PDHX: variants seen among roughly 807,000 people sequenced by gnomAD.
PDHX encodes pyruvate dehydrogenase complex component X.
PDHX carries 33 observed loss-of-function variants against 55.3 expected under a neutral mutation model. That is an observed-to-expected ratio of 0.60 (90% CI 0.45 to 0.80). The LOEUF (loss-of-function observed/expected upper bound fraction) is 0.80, where lower values mean the gene tolerates loss of function less well. Ranked by LOEUF, PDHX falls within the 30% of genes least tolerant of loss-of-function variation. The probability of loss-of-function intolerance (pLI) is 0.00; values close to 1 mark genes in which losing one functional copy is unlikely to be tolerated. For synonymous variants in PDHX, 226 were observed against 219.4 expected, an observed-to-expected ratio of 1.03 and a Z score of -0.27; for missense variants, 622 against 619.9, an observed-to-expected ratio of 1.00 and a Z score of -0.04.
chr11:34,940,765 A>G (rs1854454384), intron 2 of PDHX, among the ~76,000 whole-genome samples: 1 of 152,036 alleles, frequency 6.6e-6, no homozygotes, highest in Admixed American at 6.5e-5. Flanking sequence ...TTTTGTCTCT[A>G]AAGTTTTGCC....
At chr11:34,932,973 T>C (rs906064869) in intron 2 of PDHX, among the ~76,000 whole-genome samples, 3 of 152,096 alleles carry the variant, frequency 2.0e-5, no homozygotes, top group African/African-American at 7.2e-5. Flanking sequence ...GACAAGTGAG[T>C]ATAGTATATA....
intron 1 of PDHX, among the ~76,000 whole-genome samples, chr11:34,930,640 A>G (rs11601737): frequency 0.22 from 33,755 of 152,098 alleles, 4,898 homozygotes; most frequent in Non-Finnish European, 0.34. Flanking sequence ...GTGCTCTTGA[A>G]TGTAACCCTG....
intron 3 of PDHX, among the ~76,000 whole-genome samples, chr11:34,953,299 T>A (rs934350991): frequency 6.6e-6 from 1 of 152,164 alleles, no homozygotes; most frequent in Non-Finnish European, 1.5e-5. Flanking sequence ...GCCATCCCCA[T>A]CAAGCTACCA....
chr11:34,986,246 A>G (rs960073012), intron 9 of PDHX, among the ~76,000 whole-genome samples: 12 of 150,910 alleles, frequency 8.0e-5, no homozygotes, highest in Non-Finnish European at 1.8e-4. Context: ...CAGAGGTTGC[A>G]GTGAGCTGAG....
At chr11:34,958,575 A>G (rs1264223430) in intron 4 of PDHX, among the ~76,000 whole-genome samples, 1 of 152,182 alleles carries the variant, frequency 6.6e-6, no homozygotes, top group African/African-American at 2.4e-5. Flanking sequence ...TGCTGGGATT[A>G]CAGGCGTGAG....
intron 1 of PDHX, among the ~76,000 whole-genome samples, chr11:34,927,028 A>G (rs936049490): frequency 1.3e-5 from 2 of 152,058 alleles, no homozygotes; most frequent in African/African-American, 4.8e-5. Flanking sequence ...AAAAGAGTAA[A>G]ATAGTTATGA....
intron 9 of PDHX, among the ~76,000 whole-genome samples, chr11:34,989,748 A>G (rs573800110): frequency 1.3e-5 from 2 of 152,026 alleles, no homozygotes; most frequent in African/African-American, 4.8e-5. Flanking sequence ...TCTTTATCTC[A>G]TTACCCTGTT....
Position 34,916,670 on chromosome 11 carries a change from G to T in PDHX, c.15G>T (p.Trp5Cys), listed in dbSNP as rs1853718082. The T allele has an allele frequency of 6.2e-7, 1 of 1,610,642 alleles. No individual in the cohort carries two copies. Among genetic ancestry groups the T allele is most frequent in the Non-Finnish European group, 8.5e-7 (1 of 1,179,990 alleles). ...AGGCCGTCAAGATGGCGGCCTCCTG[G>T]AGGCTGGGCTGTGATCCGCGGCTGC... is the stretch of plus-strand genomic sequence containing the variant. MAAS[W>C]RLGCDPRLLR... Residue 5 changes from tryptophan (W) to cysteine (C), a missense_variant, in exon 1 of 11, where the codon TGG becomes TGT. By Grantham distance (215) the Trp-to-Cys change is radical. Coordinates refer to ENST00000227868, the MANE Select transcript of PDHX (RefSeq NM_003477.3).
rs762332080 is a variant in PDHX, at chr11:34,994,883, C to T, written c.1248-31C>T. ...AAAGGGGACTTTGATTAAGGACATGCCTCCTTCAGAGCTTTTTCTTTTCCC... is the reference window on the plus strand; with the variant it reads ...AAAGGGGACTTTGATTAAGGACATGTCTCCTTCAGAGCTTTTTCTTTTCCC... On this transcript the variant is annotated intron_variant, in intron 10 of 10. Transcript: ENST00000227868. The T allele has an allele frequency of 2.5e-6, 4 of 1,612,788 alleles. No homozygotes were observed. The African/African-American group carries it at 4.0e-5, about 16-fold the overall frequency.
chr11:34,941,379 A>C (rs1346061704), intron 2 of PDHX, among the ~76,000 whole-genome samples: 1 of 152,336 alleles, frequency 6.6e-6, no homozygotes, highest in East Asian at 1.9e-4. Flanking sequence ...TTCTTGAAGC[A>C]GTTCTGTCTT....
chr11:34,988,495 A>G (rs374437700), intron 9 of PDHX, among the ~76,000 whole-genome samples: 3 of 151,890 alleles, frequency 2.0e-5, no homozygotes, highest in African/African-American at 4.8e-5. Context: ...TACTAGTTAC[A>G]TAACTACTGT....
At position 34,947,591 on chromosome 11, in the gene PDHX, C is replaced by A; in HGVS notation, c.327C>A (p.Ile109=). 1 of 1,609,112 alleles carries A rather than the reference C, an allele frequency of 6.2e-7. No individual in the cohort carries two copies. Among genetic ancestry groups the A allele is most frequent in the South Asian group, 1.1e-5 (1 of 91,016 alleles). ...CCTTAGATGCAAGTGATGATGGAAT[C>A]TTGGCCAAAATCGTGGTAAGTTTTT... ...VVTLDASDDG[I]LAKIVVEEGS... is the part of the protein sequence containing the mutation. Residue 109 remains isoleucine, a synonymous_variant, in exon 3 of 11, where the codon ATC becomes ATA. Coordinates refer to ENST00000227868, the MANE Select transcript of PDHX (RefSeq NM_003477.3).
At chr11:34,952,824 T>C (rs1854808546) in intron 3 of PDHX, among the ~76,000 whole-genome samples, 1 of 149,462 alleles carries the variant, frequency 6.7e-6, no homozygotes, top group Non-Finnish European at 1.5e-5. Flanking sequence ...CAACATAGTG[T>C]TGGAAGTTCT....
chr11:34,961,120 T>C (rs2133976096), intron 5 of PDHX, among the ~76,000 whole-genome samples: 1 of 152,358 alleles, frequency 6.6e-6, no homozygotes, highest in Non-Finnish European at 1.5e-5. Context: ...TATTTTATTA[T>C]TCTTCCAAAT....
At chr11:34,965,321 G>A (rs186486609) in intron 5 of PDHX, among the ~76,000 whole-genome samples, 1 of 152,194 alleles carries the variant, frequency 6.6e-6, no homozygotes, top group Non-Finnish European at 1.5e-5. Context: ...GAGGCCACGT[G>A]CAGGGCCTTG....
intron 9 of PDHX, among the ~76,000 whole-genome samples, chr11:34,987,906 T>C (rs1297118303): frequency 6.6e-6 from 1 of 152,190 alleles, no homozygotes; most frequent in Non-Finnish European, 1.5e-5. Context: ...GCATTTTCTG[T>C]CCTGTGCTTT....
chr11:34,939,468 G>GGTGTGT (rs68165754), intron 2 of PDHX, among the ~76,000 whole-genome samples: 5 of 149,186 alleles, frequency 3.4e-5, no homozygotes, highest in African/African-American at 9.9e-5. Flanking sequence ...TTTTACTAAT[G>GGTGTGT]GTGTGTGTGT....
chr11:34,940,944 C>A (rs977083937), intron 2 of PDHX, among the ~76,000 whole-genome samples: 4 of 152,122 alleles, frequency 2.6e-5, no homozygotes, highest in Non-Finnish European at 5.9e-5. Context: ...ACATTTATTG[C>A]TAAATCTTTG....
At chr11:34,916,348 T>C (rs555955830), upstream of PDHX, 2 of 1,593,656 alleles carry the variant, frequency 1.3e-6, no homozygotes, top group South Asian at 2.3e-5. Flanking sequence ...GCGCTTAGCC[T>C]GGGATACGGC....
Sources: allele counts gnomAD v4.1 joint callset (sites outside exome capture counted in the v4.1 genomes callset), GRCh38; gene constraint gnomAD v4.1.1; transcripts MANE v1.5; gene names NCBI Gene and HGNC (gene_info 2026-07-23, HGNC 2026-07-21).